The following C14orf132 variants were observed in gnomAD, a reference collection of about 807,000 sequenced individuals.
C14orf132 encodes the protein chromosome 14 open reading frame 132, also known as uncharacterized protein C14orf132.
Under a neutral mutation model 5.8 loss-of-function variants are expected in C14orf132, and 6 were observed. The observed-to-expected ratio is 1.03, with a 90% confidence interval of 0.57 to 2.04. The LOEUF (loss-of-function observed/expected upper bound fraction) is 2.04. Among genes scored for constraint, C14orf132 ranks in the 30% most tolerant of loss-of-function variants. The probability of loss-of-function intolerance (pLI) is 0.00; values close to 1 mark genes in which losing one functional copy is unlikely to be tolerated. For synonymous variants in C14orf132, 51 were observed against 49.8 expected (o/e 1.02, Z -0.10); for missense variants, 125 against 115.8 (o/e 1.08, Z -0.37).
At chr14:96,073,968 A>G (rs893815001) in intron 1 of C14orf132, among the ~76,000 whole-genome samples, 2 of 152,244 alleles carry the variant, frequency 1.3e-5, no homozygotes, top group Non-Finnish European at 2.9e-5. Context: ...GTTATCACTT[A>G]CAAGTGGGAG....
chr14:96,051,039 G>T (rs1166103741), intron 1 of C14orf132: 4 of 396,390 alleles, frequency 1.0e-5, no homozygotes, highest in Non-Finnish European at 1.8e-5. Flanking sequence ...TCCCAGCTAT[G>T]GGCCCCTGAT....
chr14:96,068,826 G>A (rs1250188257), intron 1 of C14orf132, among the ~76,000 whole-genome samples: 1 of 152,066 alleles, frequency 6.6e-6, no homozygotes, highest in African/African-American at 2.4e-5. Context: ...GCCCAGATTG[G>A]GTGTGTCCAT....
At chr14:96,066,473 A>G (rs992111162) in intron 1 of C14orf132, among the ~76,000 whole-genome samples, 5 of 152,160 alleles carry the variant, frequency 3.3e-5, no homozygotes, top group Non-Finnish European at 5.9e-5. Flanking sequence ...CCTGGGTCCA[A>G]CTGTGGGTTG....
intron 1 of C14orf132, among the ~76,000 whole-genome samples, chr14:96,073,545 A>G (rs1244405138): frequency 1.3e-5 from 2 of 152,232 alleles, no homozygotes; most frequent in African/African-American, 4.8e-5. Flanking sequence ...CAGATGCTGG[A>G]AAGTTTGTAA....
intron 1 of C14orf132, among the ~76,000 whole-genome samples, chr14:96,041,229 G>T (rs749046218): frequency 2.0e-5 from 3 of 152,206 alleles, no homozygotes; most frequent in Non-Finnish European, 2.9e-5. Context: ...GCTAAGGTTT[G>T]TTGAGCACCT....
chr14:96,060,525 T>G (rs1027699466), intron 1 of C14orf132, among the ~76,000 whole-genome samples: 2 of 152,164 alleles, frequency 1.3e-5, no homozygotes, highest in African/African-American at 4.8e-5. Flanking sequence ...AGCAGATTTT[T>G]TATCCTCTGC....
intron 1 of C14orf132, among the ~76,000 whole-genome samples, chr14:96,060,634 C>A (rs1466844851): frequency 6.6e-6 from 1 of 152,146 alleles, no homozygotes; most frequent in Non-Finnish European, 1.5e-5. Flanking sequence ...CTCACCCATT[C>A]ACTTGATTTC....
intron 1 of C14orf132, among the ~76,000 whole-genome samples, chr14:96,049,189 A>G (rs575335312): frequency 4.4e-4 from 67 of 152,240 alleles, no homozygotes; most frequent in African/African-American, 1.6e-3. Flanking sequence ...CAAGGCAGGC[A>G]GATCACCTGA....
At chr14:96,046,468 T>C (rs1300770741) in intron 1 of C14orf132, among the ~76,000 whole-genome samples, 40 of 152,222 alleles carry the variant, frequency 2.6e-4, no homozygotes, top group Non-Finnish European at 5.9e-4. Context: ...ATGGCTTTAT[T>C]AGGCTGAACC....
intron 1 of C14orf132, among the ~76,000 whole-genome samples, chr14:96,075,410 C>A (rs773129559): frequency 2.0e-5 from 3 of 152,020 alleles, no homozygotes; most frequent in Non-Finnish European, 4.4e-5. Context: ...ACTTTTATTT[C>A]TTTTTCTTGC....
At position 96,089,804 on chromosome 14, in the gene C14orf132, C is replaced by T. The variant is rs1378875936; in HGVS notation, c.*3069C>T. 1 of 152,306 alleles carries T rather than the reference C, an allele frequency of 6.6e-6. No individual in the cohort carries two copies. Among genetic ancestry groups the T allele is most frequent in the Non-Finnish European group, 1.5e-5 (1 of 68,164 alleles). 9.4% of individuals were successfully genotyped at this position (152,306 alleles called of 1,614,324 possible). On this transcript the variant is annotated 3_prime_UTR_variant, in exon 2 of 2. Coordinates refer to ENST00000555004, the MANE Select transcript of C14orf132 (RefSeq NM_001252507.3). ...GCAGAAGGGGACCCTCCCTGGCCAACACCCAGGAGCCCAGCAGAAGCACCC... is the reference window on the plus strand; with the variant it reads ...GCAGAAGGGGACCCTCCCTGGCCAATACCCAGGAGCCCAGCAGAAGCACCC...
At chr14:96,075,877 T>G (rs1887849829) in intron 1 of C14orf132, among the ~76,000 whole-genome samples, 1 of 152,258 alleles carries the variant, frequency 6.6e-6, no homozygotes, top group Admixed American at 6.5e-5. Flanking sequence ...TCTTGTAATG[T>G]CTTTGATTTT....
chr14:96,070,604 A>T lies in C14orf132; in HGVS notation c.28-15907A>T, dbSNP rs533013533. 2.4e-3 allele frequency among the ~76,000 whole-genome samples: 349 copies of T among 147,046 alleles called. 2 individuals carry two copies. The highest frequency in any genetic ancestry group is 4.1e-3 in the African/African-American group (160 of 38,566). On this transcript the variant is annotated intron_variant, in intron 1 of 1. Coordinates refer to ENST00000555004, the MANE Select transcript of C14orf132 (RefSeq NM_001252507.3). ...AAGTCTCTCTCTCTCTCTCACACAC[A>T]CACACACACACACACACACACACAC... is the stretch of plus-strand genomic sequence containing the variant.
At chr14:96,063,520 G>A (rs1005666246) in intron 1 of C14orf132, among the ~76,000 whole-genome samples, 3 of 151,956 alleles carry the variant, frequency 2.0e-5, no homozygotes, top group African/African-American at 4.8e-5. Flanking sequence ...TGTTGGCCAG[G>A]CTGGTCTCAA....
chr14:96,068,728 T>C (rs951299326), intron 1 of C14orf132, among the ~76,000 whole-genome samples: 1 of 152,236 alleles, frequency 6.6e-6, no homozygotes, highest in Admixed American at 6.5e-5. Flanking sequence ...TTGTCACCTT[T>C]AGCATGTGCT....
intron 1 of C14orf132, among the ~76,000 whole-genome samples, chr14:96,047,915 C>G (rs1356413153): frequency 6.6e-6 from 1 of 152,070 alleles, no homozygotes; most frequent in African/African-American, 2.4e-5. Context: ...TCGCTGAGCC[C>G]GGTGGCTCAT....
At chr14:96,042,016 T>C (rs1242839953) in intron 1 of C14orf132, among the ~76,000 whole-genome samples, 2 of 152,228 alleles carry the variant, frequency 1.3e-5, no homozygotes, top group Non-Finnish European at 2.9e-5. Flanking sequence ...ACAAGATGTA[T>C]GTTCATGAAA....
intron 1 of C14orf132, among the ~76,000 whole-genome samples, chr14:96,049,642 A>ATATATGTACATATATACG (rs1313214593): frequency 1.4e-5 from 1 of 69,204 alleles, no homozygotes; most frequent in South Asian, 5.9e-4. Flanking sequence ...ATATATACGT[A>ATATATGTACATATATACG]TATATATATA....
At chr14:96,073,592 A>G (rs1887774609) in intron 1 of C14orf132, among the ~76,000 whole-genome samples, 1 of 152,256 alleles carries the variant, frequency 6.6e-6, no homozygotes, top group Admixed American at 6.5e-5. Context: ...GTGGGAGTGT[A>G]AATTAGCTCA....
Sources: gnomAD v4.1 joint callset for allele counts (sites outside exome capture counted in the v4.1 genomes callset) on GRCh38, gnomAD v4.1.1 for gene constraint, MANE v1.5 for transcripts, NCBI Gene and HGNC (gene_info 2026-07-23, HGNC 2026-07-21) for gene names.